Variants in SLC4A1AP observed in about 807,000 individuals in gnomAD.
The protein encoded by SLC4A1AP is solute carrier family 4 member 1 adaptor protein, also known as kanadaptin.
SLC4A1AP carries 64 observed loss-of-function variants against 89.7 expected under a neutral mutation model. The ratio of observed to expected loss-of-function variants is 0.71; its 90% CI spans 0.58 to 0.88. The LOEUF (loss-of-function observed/expected upper bound fraction) is 0.88, where lower values mean the gene tolerates loss of function less well. Among genes scored for constraint, SLC4A1AP ranks in the 40% least tolerant of loss-of-function variants. SLC4A1AP has a pLI of 0.00. For missense variants in SLC4A1AP, 931 were observed against 965.0 expected (o/e 0.96, Z 0.47); for synonymous variants, 366 against 353.3 (o/e 1.04, Z -0.40).
At chr2:27,669,813 C>T (rs1675392154) in intron 5 of SLC4A1AP, among the ~76,000 whole-genome samples, 1 of 152,130 alleles carries the variant, frequency 6.6e-6, no homozygotes, top group Admixed American at 6.5e-5. Context: ...GCCTCAGCTT[C>T]CCTAGTAGCT....
chr2:27,671,719 A>T (rs186535026), intron 5 of SLC4A1AP, among the ~76,000 whole-genome samples: 1 of 152,294 alleles, frequency 6.6e-6, no homozygotes, highest in East Asian at 1.9e-4. Flanking sequence ...ACAGTAGTAC[A>T]TCCTTCTGTA....
intron 4 of SLC4A1AP, 47 bp from the exon 5 acceptor site, chr2:27,669,201 G>T (rs368566060): frequency 1.9e-5 from 29 of 1,550,732 alleles, no homozygotes; most frequent in Non-Finnish European, 2.3e-5. Flanking sequence ...GTTTTCTTGA[G>T]AATTGGAGCT....
At chr2:27,677,208 C>T (rs1314973414) in intron 6 of SLC4A1AP, 87 bp from the exon 7 acceptor site, 2 of 878,600 alleles carry the variant, frequency 2.3e-6, no homozygotes, top group African/African-American at 3.4e-5. Flanking sequence ...CTTCTTAAAA[C>T]TTCTAGTAAG....
exon 3 of SLC4A1AP, chr2:27,667,355 C>T: frequency 6.2e-7 from 1 of 1,612,880 alleles, no homozygotes; most frequent in Non-Finnish European, 8.5e-7. Context: ...ATAAAGGATC[C>T]CAAAAAGGCT....
At chr2:27,678,090 T>C (rs1466735274) in intron 8 of SLC4A1AP, among the ~76,000 whole-genome samples, 166 bp downstream of exon 8, 1 of 152,238 alleles carries the variant, frequency 6.6e-6, no homozygotes, top group Non-Finnish European at 1.5e-5. Flanking sequence ...AAAAACCTGT[T>C]TCATATTTGT....
At chr2:27,694,516 A>G in intron 13 of SLC4A1AP, 118 bp from the exon 14 acceptor site, 1 of 597,930 alleles carries the variant, frequency 1.7e-6, no homozygotes, top group East Asian at 3.2e-5. Context: ...TAAAATTTCT[A>G]CCGTAGAATA....
chr2:27,681,688 A>C (rs886352080), intron 8 of SLC4A1AP, among the ~76,000 whole-genome samples: 1 of 152,030 alleles, frequency 6.6e-6, no homozygotes, highest in Non-Finnish European at 1.5e-5. Context: ...GCTTTGTCCT[A>C]ATGGGCTTAG....
At chr2:27,688,859 G>GT in intron 12 of SLC4A1AP, 92 bp downstream of exon 12, 1 of 914,246 alleles carries the variant, frequency 1.1e-6, no homozygotes, top group South Asian at 1.7e-5. Context: ...ACTTAACAGA[G>GT]TTCCCAGCAG....
intron 12 of SLC4A1AP, chr2:27,692,205 T>C (rs1444143278): frequency 6.6e-6 from 1 of 152,256 alleles, no homozygotes; most frequent in East Asian, 1.9e-4. Flanking sequence ...CTTGTGTCAC[T>C]ATTATTTATT....
intron 12 of SLC4A1AP, among the ~76,000 whole-genome samples, chr2:27,691,114 G>A (rs147450200): frequency 3.3e-5 from 5 of 152,106 alleles, no homozygotes; most frequent in Non-Finnish European, 5.9e-5. Flanking sequence ...AGTAAGATTG[G>A]TACCAATTCT....
intron 5 of SLC4A1AP, among the ~76,000 whole-genome samples, chr2:27,673,947 A>G (rs1177900679): frequency 6.6e-6 from 1 of 151,928 alleles, no homozygotes; most frequent in Non-Finnish European, 1.5e-5. Flanking sequence ...ACCATAACTT[A>G]GTACTACCAA....
chr2:27,682,236 C>T lies in SLC4A1AP; in HGVS notation c.1764-12C>T. 6.3e-7 allele frequency: 1 copy of T among 1,575,802 alleles called. No homozygotes were observed. ...CCTGGAATAGATGTGTATAATTATT[C>T]TTTCTTCCTAGGACTGAAACTCAGA... On this transcript the variant is annotated splice_polypyrimidine_tract_variant and intron_variant, in intron 8 of 13. Coordinates refer to ENST00000613058, the Ensembl canonical transcript of SLC4A1AP.
intron 12 of SLC4A1AP, among the ~76,000 whole-genome samples, chr2:27,689,434 A>G (rs942375377): frequency 1.2e-4 from 18 of 152,184 alleles, no homozygotes; most frequent in African/African-American, 3.6e-4. Context: ...GCAAAAGGAC[A>G]CCAGGCACCA....
chr2:27,693,648 A>G (rs1409595922), intron 12 of SLC4A1AP, 37 bp from the exon 13 acceptor site: 1 of 1,534,522 alleles, frequency 6.5e-7, no homozygotes, highest in African/African-American at 1.4e-5. Context: ...CTGGAGAGAA[A>G]TTCTTGTGAA....
chr2:27,674,775 T>C (rs1675489106), intron 5 of SLC4A1AP, among the ~76,000 whole-genome samples: 1 of 150,978 alleles, frequency 6.6e-6, no homozygotes. Flanking sequence ...GCAGTGGCGC[T>C]TTCTCGGCTC....
chr2:27,671,325 G>A (rs1450645940), intron 5 of SLC4A1AP, among the ~76,000 whole-genome samples: 3 of 152,112 alleles, frequency 2.0e-5, no homozygotes, highest in Non-Finnish European at 2.9e-5. Flanking sequence ...TAGTATTTAC[G>A]TGATTATGCT....
At chr2:27,669,433 ACTC>A (rs1558505698) in intron 5 of SLC4A1AP, 46 bp downstream of exon 5, 8 of 1,457,868 alleles carry the variant, frequency 5.5e-6, no homozygotes, top group Non-Finnish European at 7.3e-6. Context: ...AAAAAGGAAA[ACTC>A]AACACAAACG....
chr2:27,664,581 G>C lies in SLC4A1AP; in HGVS notation c.825+4G>C. ...CACCCGGCTCTTTATCCTGCAGGTA[G>C]GTAGAAAAACCTAGAATTGAAATTT... On this transcript the variant is annotated splice_donor_region_variant and intron_variant, in intron 1 of 13. Transcript: ENST00000613058. The C allele has an allele frequency of 6.3e-7, 1 of 1,597,366 alleles. No homozygotes were observed. The highest frequency in any genetic ancestry group is 8.5e-7 in the Non-Finnish European group (1 of 1,170,050).
At chr2:27,663,937 C>T (rs1438504787) in exon 1 of SLC4A1AP, 1 of 1,614,166 alleles carries the variant, frequency 6.2e-7, no homozygotes, top group African/African-American at 1.3e-5. Flanking sequence ...CTCTCTCAGT[C>T]AGAGACCCTG....
Sources: allele counts gnomAD v4.1 joint callset (sites outside exome capture counted in the v4.1 genomes callset), GRCh38; gene constraint gnomAD v4.1.1; transcripts MANE v1.5; gene names NCBI Gene and HGNC (gene_info 2026-07-23, HGNC 2026-07-21).